PAPPA2: variants seen among roughly 807,000 people sequenced by gnomAD.
PAPPA2 encodes the protein pappalysin-2.
PAPPA2 carries 86 observed loss-of-function variants against 176.4 expected under a neutral mutation model. The ratio of observed to expected loss-of-function variants is 0.49; its 90% confidence interval spans 0.41 to 0.58. PAPPA2 has a LOEUF of 0.58. Ranked by LOEUF, PAPPA2 falls within the 20% of genes least tolerant of loss-of-function variation. The pLI is 0.00. For missense variants in PAPPA2, 2,073 were observed against 2,256.9 expected (o/e 0.92, Z 1.65); for synonymous variants, 809 against 852.2 (o/e 0.95, Z 0.88).
At chr1:176,747,582 A>G (rs184239251) in intron 14 of PAPPA2, among the ~76,000 whole-genome samples, 3 of 152,352 alleles carry the variant, frequency 2.0e-5, no homozygotes, top group East Asian at 1.9e-4. Flanking sequence ...CTCTGAGATT[A>G]AAGTGCATCT....
chr1:176,504,162 C>T (rs1648118773), intron 1 of PAPPA2, among the ~76,000 whole-genome samples: 1 of 152,010 alleles, frequency 6.6e-6, no homozygotes, highest in Admixed American at 6.6e-5. Flanking sequence ...ATATCAAACT[C>T]TTCTGTGTAC....
intron 20 of PAPPA2, among the ~76,000 whole-genome samples, chr1:176,798,140 A>G (rs1459315314): frequency 3.3e-5 from 5 of 152,232 alleles, no homozygotes; most frequent in Admixed American, 3.3e-4. Flanking sequence ...TGAATTATGC[A>G]TCATTAAAAA....
intron 4 of PAPPA2, among the ~76,000 whole-genome samples, chr1:176,683,008 CTATTTATTTATTTATTTATTTATT>C (rs71865149): frequency 7.1e-6 from 1 of 140,580 alleles, no homozygotes; most frequent in African/African-American, 2.6e-5. Context: ...TTGCCCAAAG[CTATTTATTTATTTATTTATTTATT>C]TATTTATTTA....
intron 4 of PAPPA2, among the ~76,000 whole-genome samples, chr1:176,684,545 A>G (rs1558517787): frequency 6.6e-6 from 1 of 151,224 alleles, no homozygotes; most frequent in Non-Finnish European, 1.5e-5. Flanking sequence ...TCTCGTCCCT[A>G]CCCCCCCACT....
intron 21 of PAPPA2, among the ~76,000 whole-genome samples, chr1:176,839,851 C>T (rs532635039): frequency 2.6e-5 from 4 of 152,224 alleles, no homozygotes; most frequent in African/African-American, 9.6e-5. Context: ...ATATGTTGAA[C>T]TGTTTTGTAA....
Position 176,487,555 on chromosome 1 carries a change from G to T in PAPPA2, c.-917+24137G>T, listed in dbSNP as rs189747217. Among the ~76,000 whole-genome samples the T allele has an allele frequency of 7.8e-4, 119 of 152,312 alleles. No individual in the cohort carries two copies. In the Middle Eastern group the frequency reaches 0.01, roughly 13 times the overall value. On this transcript the variant is annotated intron_variant, in intron 1 of 22. Coordinates refer to ENST00000367662, the MANE Select transcript of PAPPA2 (RefSeq NM_020318.3). ...AAGTGGGTGGCCAGGGCTGGGGTCA[G>T]TATTGATGGAATAAACATGGCCTGT...
intron 1 of PAPPA2, among the ~76,000 whole-genome samples, chr1:176,531,764 G>C (rs1263933863): frequency 6.6e-6 from 1 of 152,178 alleles, no homozygotes; most frequent in Non-Finnish European, 1.5e-5. Flanking sequence ...CTTCCCAACT[G>C]AAGTGGGAAT....
intron 3 of PAPPA2, among the ~76,000 whole-genome samples, chr1:176,623,314 T>G (rs1473111125): frequency 6.6e-6 from 1 of 152,218 alleles, no homozygotes. Flanking sequence ...CAATGTATCT[T>G]TAATTCAGAG....
rs1176257151 is a variant in PAPPA2 at position 176,562,140 on chromosome 1, G to C, written c.919+4899G>C. On this transcript the variant is annotated intron_variant, in intron 2 of 22. Transcript: ENST00000367662. ...GTCAAACCATATCAAGACCCTTCACGATTTCTTGATGGCCAGGGTCTGCTG... is the reference window on the plus strand; with the variant it reads ...GTCAAACCATATCAAGACCCTTCACCATTTCTTGATGGCCAGGGTCTGCTG... 2.6e-5 allele frequency among the ~76,000 whole-genome samples: 4 copies of C among 152,180 alleles called. No homozygotes were observed. The South Asian group carries it at 8.3e-4, about 32-fold the overall frequency.
intron 1 of PAPPA2, among the ~76,000 whole-genome samples, chr1:176,490,000 T>C (rs1553350394): frequency 6.6e-6 from 1 of 152,208 alleles, no homozygotes; most frequent in Non-Finnish European, 1.5e-5. Flanking sequence ...TTCTGGATCT[T>C]GTTCTATGCC....
chr1:176,831,170 G>A (rs114795409), intron 21 of PAPPA2, among the ~76,000 whole-genome samples: 1,966 of 152,246 alleles, frequency 0.013, 18 homozygotes, highest in Non-Finnish European at 0.018. Flanking sequence ...AATAAAGGTG[G>A]TTGGGGAAGT....
chr1:176,624,108 G>T (rs1655872991), intron 3 of PAPPA2, among the ~76,000 whole-genome samples: 1 of 152,084 alleles, frequency 6.6e-6, no homozygotes, highest in Non-Finnish European at 1.5e-5. Flanking sequence ...GCACTCAAAT[G>T]AATAAAATAA....
intron 3 of PAPPA2, among the ~76,000 whole-genome samples, chr1:176,611,556 A>G (rs901055172): frequency 4.6e-5 from 7 of 152,150 alleles, no homozygotes; most frequent in African/African-American, 1.7e-4. Flanking sequence ...ACCTTTCTGT[A>G]TGATCATTGA....
chr1:176,835,940 C>T (rs755964129), intron 21 of PAPPA2, among the ~76,000 whole-genome samples: 2 of 152,120 alleles, frequency 1.3e-5, no homozygotes, highest in Non-Finnish European at 2.9e-5. Context: ...GGGCTCTAGT[C>T]TTGATGTTCT....
At chr1:176,661,280 G>A (rs10913237) in intron 3 of PAPPA2, among the ~76,000 whole-genome samples, 26,502 of 151,846 alleles carry the variant, frequency 0.17, 2,464 homozygotes, top group Middle Eastern at 0.23. Context: ...AACCAAAAGG[G>A]GATTAAATAC....
At chr1:176,471,757 C>T (rs1192715778) in intron 1 of PAPPA2, among the ~76,000 whole-genome samples, 1 of 152,092 alleles carries the variant, frequency 6.6e-6, no homozygotes, top group African/African-American at 2.4e-5. Flanking sequence ...CTCTTTAAAC[C>T]TACAGTTTTC....
intron 3 of PAPPA2, among the ~76,000 whole-genome samples, chr1:176,627,461 C>G (rs1558481926): frequency 6.6e-6 from 1 of 152,166 alleles, no homozygotes; most frequent in Non-Finnish European, 1.5e-5. Context: ...GTGACTAGAC[C>G]TAGGTCTCTT....
At chr1:176,607,169 G>T (rs886218663) in intron 3 of PAPPA2, among the ~76,000 whole-genome samples, 1 of 151,888 alleles carries the variant, frequency 6.6e-6, no homozygotes, top group African/African-American at 2.4e-5. Context: ...CAGGGTTTTC[G>T]AGGTATCCAT....
chr1:176,530,603 C>CAA (rs11300125), intron 1 of PAPPA2, among the ~76,000 whole-genome samples: 5 of 146,216 alleles, frequency 3.4e-5, no homozygotes, highest in African/African-American at 5.0e-5. Context: ...TCATCTCATG[C>CAA]AAAAAAAAAA....
Sources: gnomAD v4.1 joint callset for allele counts (sites outside exome capture counted in the v4.1 genomes callset) on GRCh38, gnomAD v4.1.1 for gene constraint, MANE v1.5 for transcripts, NCBI Gene and HGNC (gene_info 2026-07-23, HGNC 2026-07-21) for gene names.